The following PHKG2 variants were observed in gnomAD, a reference collection of about 807,000 sequenced individuals.
PHKG2 encodes phosphorylase kinase catalytic subunit gamma 2.
A neutral mutation model predicts 44.5 loss-of-function variants in PHKG2; 28 were observed. That is an observed-to-expected ratio of 0.63 (90% CI 0.47 to 0.86). The LOEUF (loss-of-function observed/expected upper bound fraction) is 0.86, where lower values mean the gene tolerates loss of function less well. PHKG2 is among the 40% of genes least tolerant of loss of function. The pLI is 0.00. For synonymous variants in PHKG2, 220 were observed against 211.2 expected, an observed-to-expected ratio of 1.04 and a Z score of -0.36; for missense variants, 498 against 547.5, an observed-to-expected ratio of 0.91 and a Z score of 0.90.
chr16:30,756,392 A>G lies in PHKG2; in HGVS notation c.673A>G (p.Thr225Ala). 1 of 1,613,832 alleles carries G rather than the reference A, an allele frequency of 6.2e-7. No individual in the cohort carries two copies. The highest frequency in any genetic ancestry group is 8.5e-7 in the Non-Finnish European group (1 of 1,179,978). ...CTGGGCCTGTGGGGTGATCTTGTTC[A>G]CACTCCTGGCTGGCTCGCCACCCTT... ...DLWACGVILF[T>A]LLAGSPPFWH... Residue 225 changes from threonine to alanine, a missense_variant, in exon 8 of 10, where the codon ACA (threonine) becomes GCA (alanine). Thr to Ala is a moderately conservative substitution (Grantham distance 58). Coordinates refer to ENST00000563588, the MANE Select transcript of PHKG2 (RefSeq NM_000294.3).
Position 30,756,538 on chromosome 16 carries a change from G to T in PHKG2, c.801+18G>T. ...AAGACCTGGTGAGCGGGGGCTGAGA[G>T]GACAGTAGGGGAGGCCCAAGAGCTG... On this transcript the variant is annotated intron_variant, in intron 8 of 9. Transcript: ENST00000563588. The T allele has an allele frequency of 6.2e-7, 1 of 1,612,770 alleles. No homozygotes were observed.
Position 30,759,153 on chromosome 16 carries a change from G to C in PHKG2, c.*2056G>C. ...GTGGCCCCAGGCCTGGCCCAGCCCA[G>C]CCCTGCCCTGGCACTCTCCCTTACC... On this transcript the variant is annotated 3_prime_UTR_variant, in exon 10 of 10. Coordinates refer to ENST00000563588, the MANE Select transcript of PHKG2 (RefSeq NM_000294.3). The C allele has an allele frequency of 6.2e-7, 1 of 1,614,200 alleles. No homozygotes were observed. The highest frequency in any genetic ancestry group is 1.1e-5 in the South Asian group (1 of 91,084).
In PHKG2 at chr16:30,761,149, C is replaced by A; in HGVS notation, c.*4052C>A. On this transcript the variant is annotated 3_prime_UTR_variant, in exon 10 of 10. Transcript: ENST00000563588. ...GCCACAGACAGGACTGTTGGGGAGA[C>A]AATAAAGAACGCAAATATTCAGTGT... is the stretch of plus-strand genomic sequence containing the variant. The A allele has an allele frequency of 1.2e-6, 2 of 1,602,028 alleles. No homozygotes were observed. The highest frequency in any genetic ancestry group is 8.5e-7 in the Non-Finnish European group (1 of 1,171,102).
chr16:30,760,883 C>A lies in PHKG2; in HGVS notation c.*3786C>A, dbSNP rs767189076. On this transcript the variant is annotated 3_prime_UTR_variant, in exon 10 of 10. Transcript: ENST00000563588. ...AGCCTAGGGTTAGGAATCTTGAATT[C>A]TTTTTTCTGCTCTGCCACTACCTTG... 18 of 620,836 alleles carry A rather than the reference C, an allele frequency of 2.9e-5. No homozygotes were observed. Among genetic ancestry groups the A allele is most frequent in the South Asian group, 9.7e-5 (5 of 51,602 alleles). The allele number at this position is 620,836 out of a possible 1,614,324, so 38.5% of individuals were successfully genotyped here.
chr16:30,751,593 G>T lies in PHKG2; in HGVS notation c.316G>T (p.Val106Leu), dbSNP rs1346689363. ...CGAGTCTTCTAGCTTCATGTTCCTG[G>T]TGTTTGACCTGTGAGTATCTCCCTG... ...SYESSSFMFL[V>L]FDLMRKGELF... Residue 106 changes from valine (V) to leucine (L), a missense_variant, in exon 4 of 10, where the codon GTG becomes TTG. By Grantham distance (32) the Val-to-Leu change is conservative. Transcript: ENST00000563588. 1.2e-6 allele frequency: 2 copies of T among 1,613,362 alleles called. No homozygotes were observed. Among genetic ancestry groups the T allele is most frequent in the Admixed American group, 3.3e-5 (2 of 59,982 alleles).
rs368436227 is a variant in PHKG2 at position 30,756,476 on chromosome 16, A to G, written c.757A>G (p.Ser253Gly). Reference protein sequence around the residue: ...RMIMEGQYQFSSPEWDDRSST... With the variant: ...RMIMEGQYQFGSPEWDDRSST... ...GATCATGGAGGGCCAGTACCAGTTCAGTTCCCCCGAGTGGGATGACCGTTC... is the reference window on the plus strand; with the variant it reads ...GATCATGGAGGGCCAGTACCAGTTCGGTTCCCCCGAGTGGGATGACCGTTC... Residue 253 changes from serine to glycine, a missense_variant, in exon 8 of 10, where the codon AGT becomes GGT. Transcript: ENST00000563588. 6.8e-5 allele frequency: 109 copies of G among 1,613,466 alleles called. No individual in the cohort carries two copies. The highest frequency in any genetic ancestry group is 3.3e-4 in the Middle Eastern group (2 of 6,084).
Position 30,759,437 on chromosome 16 carries a change from GGTCGAT to G in PHKG2, c.*2342_*2347del, listed in dbSNP as rs2053586912. On this transcript the variant is annotated 3_prime_UTR_variant, in exon 10 of 10. Coordinates refer to ENST00000563588, the MANE Select transcript of PHKG2 (RefSeq NM_000294.3). ...GCCAGCAGCTGTTCCTCTTTGAAGA[GGTCGAT>G]GCTGAAAGGAGGCCGCTGTGGTGGT... is the stretch of plus-strand genomic sequence containing the variant. 1 of 1,614,124 alleles carries G rather than the reference GGTCGAT, an allele frequency of 6.2e-7. No homozygotes were observed. Among genetic ancestry groups the G allele is most frequent in the Admixed American group, 1.7e-5 (1 of 60,010 alleles).
rs1237202978 is a variant in PHKG2, at chr16:30,756,473, T to C, written c.754T>C (p.Phe252Leu). The C allele has an allele frequency of 6.2e-7, 1 of 1,613,660 alleles. No individual in the cohort carries two copies. The highest frequency in any genetic ancestry group is 2.2e-5 in the East Asian group (1 of 44,872). Residue 252 changes from phenylalanine (F) to leucine (L), a missense_variant, in exon 8 of 10, where the codon TTC becomes CTC. Physicochemically the swap from Phe to Leu is conservative, Grantham distance 22. Transcript: ENST00000563588. Reference protein sequence around the residue: ...LRMIMEGQYQFSSPEWDDRSS... With the variant: ...LRMIMEGQYQLSSPEWDDRSS... The stretch of plus-strand genomic sequence containing the variant: ...CATGATCATGGAGGGCCAGTACCAG[T>C]TCAGTTCCCCCGAGTGGGATGACCG...
In PHKG2 at chr16:30,758,624, T is replaced by C; in HGVS notation, c.*1527T>C. The C allele has an allele frequency of 1.1e-5, 3 of 261,340 alleles. No individual in the cohort carries two copies. The highest frequency in any genetic ancestry group is 1.0e-4 in the East Asian group (1 of 9,818). The allele number at this position is 261,340 out of a possible 1,614,324, so 16.2% of individuals were successfully genotyped here. On this transcript the variant is annotated 3_prime_UTR_variant, in exon 10 of 10. Transcript: ENST00000563588. ...AGGCTGGAGTGCAGTGGCCAGATCT[T>C]GGCTCACTGCAGTCTCCACCTCCTG...
intron 4 of PHKG2, 152 bp from the exon 5 acceptor site, chr16:30,753,080 C>T (rs1378964195): frequency 4.2e-6 from 3 of 717,124 alleles, no homozygotes; most frequent in Non-Finnish European, 7.6e-6. Flanking sequence ...GCCAAACTGC[C>T]TTGTTGGAGT....
At chr16:30,752,123 G>A (rs1427850878) in intron 4 of PHKG2, among the ~76,000 whole-genome samples, 3 of 144,470 alleles carry the variant, frequency 2.1e-5, no homozygotes, top group Non-Finnish European at 4.5e-5. Flanking sequence ...CCAGCCAGAC[G>A]TGGTAGCTCA....
At chr16:30,749,497 GC>G (rs2053317079) in intron 2 of PHKG2, among the ~76,000 whole-genome samples, 1 of 152,064 alleles carries the variant, frequency 6.6e-6, no homozygotes, top group Non-Finnish European at 1.5e-5. Context: ...ACAGGCGCGC[GC>G]CACCACGCCG....
intron 2 of PHKG2, among the ~76,000 whole-genome samples, chr16:30,749,194 TGCTGGTGGTGGTG>T (rs2053308694): frequency 2.2e-5 from 2 of 92,756 alleles, no homozygotes; most frequent in African/African-American, 8.3e-5. Context: ...CTGGTGGTGG[TGCTGGTGGTGGTG>T]TGTGTGTGTG....
At position 30,758,739 on chromosome 16, in the gene PHKG2, G is replaced by A. The variant is rs1399061811; in HGVS notation, c.*1642G>A. On this transcript the variant is annotated 3_prime_UTR_variant, in exon 10 of 10. Coordinates refer to ENST00000563588, the MANE Select transcript of PHKG2 (RefSeq NM_000294.3). Reference sequence around the variant, plus strand: ...CCTGGCTATTTTTTGTATTTTAGTAGATAGGGGGTTTCACGGTGTTGCCCA... The same window carrying A: ...CCTGGCTATTTTTTGTATTTTAGTAAATAGGGGGTTTCACGGTGTTGCCCA... 2.1e-6 allele frequency: 1 copy of A among 475,296 alleles called. No homozygotes were observed. The highest frequency in any genetic ancestry group is 2.0e-5 in the African/African-American group (1 of 50,920). 29.4% of individuals were successfully genotyped at this position (475,296 alleles called of 1,614,324 possible).
rs1478032230 is a variant in PHKG2, at chr16:30,751,225, A to G, written c.215A>G (p.Glu72Gly). The change falls in exon 3 of 10, where the codon GAA becomes GGA. Residue 72 changes from glutamate (E) to glycine (G), a missense_variant. Physicochemically the swap from Glu to Gly is moderately conservative, Grantham distance 98 (BLOSUM62 -2). Coordinates refer to ENST00000563588, the MANE Select transcript of PHKG2 (RefSeq NM_000294.3). ...LSPEQLEEVR[E>G]ATRRETHILR... ...CCTGAGCAGCTGGAGGAGGTGCGGGAAGCCACACGGCGAGAGACACACATC... is the reference window on the plus strand; with the variant it reads ...CCTGAGCAGCTGGAGGAGGTGCGGGGAGCCACACGGCGAGAGACACACATC... 6.2e-7 allele frequency: 1 copy of G among 1,613,338 alleles called. No individual in the cohort carries two copies. Among genetic ancestry groups the G allele is most frequent in the East Asian group, 2.2e-5 (1 of 44,892 alleles).
rs1387092932 is a variant in PHKG2 at position 30,757,783 on chromosome 16, C to T, written c.*686C>T. 2 of 1,431,356 alleles carry T rather than the reference C, an allele frequency of 1.4e-6. No individual in the cohort carries two copies. The highest frequency in any genetic ancestry group is 1.4e-5 in the African/African-American group (1 of 69,674). 88.7% of individuals were successfully genotyped at this position (1,431,356 alleles called of 1,614,324 possible). On this transcript the variant is annotated 3_prime_UTR_variant, in exon 10 of 10. Coordinates refer to ENST00000563588, the MANE Select transcript of PHKG2 (RefSeq NM_000294.3). ...GATATAGAGGTAGCAATGTTGTTTC[C>T]CTTTAGGAAATGTTAGCAAGCCCTT...
chr16:30,755,085 T>G (rs1374385817), intron 6 of PHKG2: 2 of 362,204 alleles, frequency 5.5e-6, no homozygotes, highest in Admixed American at 3.3e-5. Flanking sequence ...AAACTAAAAA[T>G]ACAGACTTGA....
chr16:30,759,151 C>T lies in PHKG2; in HGVS notation c.*2054C>T, dbSNP rs1368194665. 6.2e-7 allele frequency: 1 copy of T among 1,614,212 alleles called. No homozygotes were observed. The highest frequency in any genetic ancestry group is 1.7e-5 in the Admixed American group (1 of 60,036). ...CTGTGGCCCCAGGCCTGGCCCAGCC[C>T]AGCCCTGCCCTGGCACTCTCCCTTA... On this transcript the variant is annotated 3_prime_UTR_variant, in exon 10 of 10. Coordinates refer to ENST00000563588, the MANE Select transcript of PHKG2 (RefSeq NM_000294.3).
At chr16:30,749,208 T>C (rs1170990563) in intron 2 of PHKG2, among the ~76,000 whole-genome samples, 6 of 118,334 alleles carry the variant, frequency 5.1e-5, no homozygotes, top group African/African-American at 2.0e-4. Flanking sequence ...GGTGGTGGTG[T>C]GTGTGTGTGT....
Sources: gnomAD v4.1 joint callset for allele counts (sites outside exome capture counted in the v4.1 genomes callset) on GRCh38, gnomAD v4.1.1 for gene constraint, MANE v1.5 for transcripts, NCBI Gene and HGNC (gene_info 2026-07-23, HGNC 2026-07-21) for gene names.